The following MECOM variants were observed in gnomAD, a reference collection of about 807,000 sequenced individuals.
MECOM encodes histone-lysine N-methyltransferase MECOM.
In MECOM, 13 loss-of-function variants were observed where a neutral mutation model predicts 116.3. The ratio of observed to expected loss-of-function variants is 0.11; its 90% confidence interval spans 0.07 to 0.18. The LOEUF (loss-of-function observed/expected upper bound fraction) is 0.18. Ranked by LOEUF, MECOM falls within the 10% of genes least tolerant of loss-of-function variation. The pLI is 1.00. For missense variants in MECOM, 1,299 were observed against 1,509.0 expected, an observed-to-expected ratio of 0.86 and a Z score of 2.31; for synonymous variants, 528 against 535.2, an observed-to-expected ratio of 0.99 and a Z score of 0.19.
chr3:169,273,857 C>A (rs937714369), intron 2 of MECOM, among the ~76,000 whole-genome samples: 6 of 151,678 alleles, frequency 4.0e-5, no homozygotes, highest in African/African-American at 1.5e-4. Context: ...GGCCACTAAG[C>A]CAGCTCACAG....
intron 1 of MECOM, among the ~76,000 whole-genome samples, chr3:169,609,245 C>G (rs900923814): frequency 3.3e-5 from 5 of 152,216 alleles, no homozygotes; most frequent in Admixed American, 1.3e-4. Flanking sequence ...CTCTGGGGCA[C>G]AGAGGCTAGC....
At chr3:169,146,617 G>A (rs77267882) in intron 2 of MECOM, 25 of 1,369,728 alleles carry the variant, frequency 1.8e-5, no homozygotes, top group South Asian at 5.7e-5. Flanking sequence ...AAGGCTGGGG[G>A]CGGGGGGCGC....
Position 169,133,827 on chromosome 3 carries a change from T to G in MECOM, c.511-2296A>C, listed in dbSNP as rs1052389798. ...TGCTTTTTTCCCCTAAACTTTCCAG[T>G]TAAATACTTATAAGTACACTGTTTC... is the stretch of plus-strand genomic sequence containing the variant. On this transcript the variant is annotated intron_variant, in intron 3 of 16. Transcript: ENST00000651503. 12 of 908,166 alleles carry G rather than the reference T, an allele frequency of 1.3e-5. No individual in the cohort carries two copies. The African/African-American group carries it at 1.9e-4, about 14-fold the overall frequency. The allele number at this position is 908,166 out of a possible 1,614,324, so 56.3% of individuals were successfully genotyped here.
At position 169,411,617 on chromosome 3, in the gene MECOM, C is replaced by T. The variant is rs376865808; in HGVS notation, c.38-30093G>A. On this transcript the variant is annotated intron_variant, in intron 1 of 16. Transcript: ENST00000651503. The stretch of plus-strand genomic sequence containing the variant: ...CCAGATGGCATTTCCAATATAAGAA[C>T]AATGACTTCTGCAAAAGCACCAAAG... 2.6e-5 allele frequency among the ~76,000 whole-genome samples: 4 copies of T among 152,336 alleles called. No individual in the cohort carries two copies. In the South Asian group the frequency reaches 8.3e-4, roughly 32 times the overall value.
intron 2 of MECOM, among the ~76,000 whole-genome samples, chr3:169,302,772 G>A (rs983745144): frequency 5.9e-5 from 9 of 152,048 alleles, no homozygotes; most frequent in African/African-American, 2.2e-4. Flanking sequence ...GCTGAGGCAG[G>A]AGAATCAGTT....
At chr3:169,446,524 A>G (rs1305972321) in intron 1 of MECOM, among the ~76,000 whole-genome samples, 4 of 151,960 alleles carry the variant, frequency 2.6e-5, no homozygotes, top group Non-Finnish European at 5.9e-5. Context: ...TAATACAGAC[A>G]CTCTCCACGC....
At chr3:169,160,961 T>C (rs1742757473) in intron 2 of MECOM, among the ~76,000 whole-genome samples, 1 of 152,232 alleles carries the variant, frequency 6.6e-6, no homozygotes, top group African/African-American at 2.4e-5. Flanking sequence ...CAGTAGACGC[T>C]GTTCAATTTT....
At chr3:169,149,931 C>CTG (rs1336646745) in intron 2 of MECOM, among the ~76,000 whole-genome samples, 9 of 124,272 alleles carry the variant, frequency 7.2e-5, no homozygotes, top group Admixed American at 5.1e-4. Flanking sequence ...CTCTTTCTCT[C>CTG]TCTCTGTGTG....
At chr3:169,357,518 T>C (rs16853561) in intron 2 of MECOM, among the ~76,000 whole-genome samples, 1,663 of 151,922 alleles carry the variant, frequency 0.011, 29 homozygotes, top group African/African-American at 0.037. Flanking sequence ...ATTTTTTTTC[T>C]GGACCTCAGA....
intron 1 of MECOM, among the ~76,000 whole-genome samples, chr3:169,625,177 A>G (rs1394348455): frequency 1.3e-5 from 2 of 152,220 alleles, no homozygotes; most frequent in African/African-American, 4.8e-5. Context: ...GGCATGTGAC[A>G]AATTAATAGT....
chr3:169,368,457 G>A (rs2149838521), intron 2 of MECOM, among the ~76,000 whole-genome samples: 1 of 152,086 alleles, frequency 6.6e-6, no homozygotes, highest in African/African-American at 2.4e-5. Context: ...TCAAATGGAA[G>A]AGTGTACAGT....
At chr3:169,139,206 T>C (rs1413723424) in intron 3 of MECOM, among the ~76,000 whole-genome samples, 1 of 152,108 alleles carries the variant, frequency 6.6e-6, no homozygotes, top group Admixed American at 6.6e-5. Context: ...TTAGATAATC[T>C]CTTATCGACA....
In MECOM at chr3:169,517,674, C is replaced by T. The variant is rs28576880; in HGVS notation, c.38-136150G>A. On this transcript the variant is annotated intron_variant, in intron 1 of 16. Transcript: ENST00000651503. ...TTTTCTAAACATTACAGTAGAAGAA[C>T]CCCTAAGCCAGAATTGATGGCAGCT... 4.3e-3 allele frequency among the ~76,000 whole-genome samples: 662 copies of T among 152,212 alleles called. 5 individuals carry two copies. The highest frequency in any genetic ancestry group is 0.015 in the African/African-American group (637 of 41,528).
intron 1 of MECOM, among the ~76,000 whole-genome samples, chr3:169,416,671 T>C (rs1578033876): frequency 6.6e-6 from 1 of 150,532 alleles, no homozygotes; most frequent in Non-Finnish European, 1.5e-5. Context: ...ACAAATCAAA[T>C]AGGCACAATA....
intron 2 of MECOM, among the ~76,000 whole-genome samples, chr3:169,167,771 T>TCA (rs774170480): frequency 1.6e-4 from 24 of 151,116 alleles, no homozygotes; most frequent in Non-Finnish European, 2.8e-4. Flanking sequence ...ACACAGACAC[T>TCA]CACACACACA....
chr3:169,140,633 T>C (rs1248602763), intron 3 of MECOM, among the ~76,000 whole-genome samples: 3 of 151,994 alleles, frequency 2.0e-5, no homozygotes, highest in African/African-American at 7.2e-5. Context: ...CTTGAGTCTT[T>C]CTAGGCAGCA....
intron 1 of MECOM, among the ~76,000 whole-genome samples, chr3:169,510,778 G>A (rs113123258): frequency 2.0e-5 from 3 of 152,150 alleles, no homozygotes; most frequent in Admixed American, 1.3e-4. Flanking sequence ...TAATCTCTGC[G>A]GACACATTTT....
chr3:169,116,523 G>A lies in MECOM; in HGVS notation c.1349C>T (p.Ala450Val). ...ATTAACCATGGACGTTTTATCCATA[G>A]CTGGGGTTCCAGGAAGTGAAATGCC... ...GQGISLPGTP[A>V]MDKTSMVNMS... Residue 450 changes from alanine to valine, a missense_variant, in exon 8 of 17, where the codon GCT (alanine) becomes GTT (valine). Physicochemically the swap from Ala to Val is moderately conservative, Grantham distance 64 (BLOSUM62 0). This residue lies in a region of MECOM where 238 missense variants were observed against 273.1 expected (regional missense o/e 0.87). Coordinates refer to ENST00000651503, the MANE Select transcript of MECOM (RefSeq NM_004991.4). The A allele has an allele frequency of 1.9e-6, 3 of 1,614,198 alleles. No individual in the cohort carries two copies. The highest frequency in any genetic ancestry group is 2.5e-6 in the Non-Finnish European group (3 of 1,180,028).
chr3:169,649,312 G>A (rs1774574219), intron 1 of MECOM, among the ~76,000 whole-genome samples: 2 of 145,212 alleles, frequency 1.4e-5, no homozygotes, highest in Non-Finnish European at 3.0e-5. Context: ...CAGAGGCTGA[G>A]GCAAGAGAAT....
Sources: gnomAD v4.1 joint callset for allele counts (sites outside exome capture counted in the v4.1 genomes callset) on GRCh38, gnomAD v4.1.1 for gene constraint, gnomAD v4.1.1 regional missense constraint, MANE v1.5 for transcripts, NCBI Gene and HGNC (gene_info 2026-07-23, HGNC 2026-07-21) for gene names.